The following EPS15L1 variants were observed in gnomAD, a reference collection of about 807,000 sequenced individuals.
The protein encoded by EPS15L1 is epidermal growth factor receptor pathway substrate 15 like 1.
EPS15L1 carries 43 observed loss-of-function variants against 117.1 expected under a neutral mutation model. That is an observed-to-expected ratio of 0.37 (90% CI 0.29 to 0.47). EPS15L1 has a LOEUF of 0.47. EPS15L1 is among the 20% of genes least tolerant of loss of function. The probability of loss-of-function intolerance (pLI) is 0.99; values close to 1 mark genes in which losing one functional copy is unlikely to be tolerated. For missense variants in EPS15L1, 981 were observed against 1,164.0 expected, an observed-to-expected ratio of 0.84 and a Z score of 2.29; for synonymous variants, 459 against 470.5, an observed-to-expected ratio of 0.98 and a Z score of 0.32.
chr19:16,459,040 G>A (rs1216933532), intron 1 of EPS15L1, among the ~76,000 whole-genome samples: 1 of 152,208 alleles, frequency 6.6e-6, no homozygotes, highest in Non-Finnish European at 1.5e-5. Flanking sequence ...GCGTGGCCCG[G>A]TACAGAAAAC....
chr19:16,359,377 G>A (rs1431294007), intron 23 of EPS15L1, among the ~76,000 whole-genome samples: 2 of 152,166 alleles, frequency 1.3e-5, no homozygotes, highest in African/African-American at 2.4e-5. Context: ...ATGGAGAGAC[G>A]TCATCTTGAG....
chr19:16,408,454 TAAAATA>T (rs879589664), intron 13 of EPS15L1, among the ~76,000 whole-genome samples: 3,692 of 152,024 alleles, frequency 0.024, 120 homozygotes, highest in Admixed American at 0.086. Context: ...TGAAACCCAG[TAAAATA>T]CAAATTTGTA....
rs2092645635 is a variant in EPS15L1, at chr19:16,405,336, G to A, written c.1267-587C>T. On this transcript the variant is annotated intron_variant, in intron 13 of 23. Coordinates refer to ENST00000455140, the MANE Select transcript of EPS15L1 (RefSeq NM_001258374.3). The surrounding 1 kb of genome is among the most constrained non-coding windows in gnomAD (Gnocchi z 4.0). ...TCAGAGGCTGCACCCCACAGGCCAC[G>A]CCAAGGAGACTGCGCTGGGCTCTGT... Among the ~76,000 whole-genome samples the A allele has an allele frequency of 1.3e-5, 2 of 152,168 alleles. No individual in the cohort carries two copies. Among genetic ancestry groups the A allele is most frequent in the East Asian group, 1.9e-4 (1 of 5,184 alleles).
chr19:16,395,583 T>C, intron 16 of EPS15L1, 116 bp from the exon 17 acceptor site: 2 of 1,131,484 alleles, frequency 1.8e-6, no homozygotes, highest in Non-Finnish European at 2.6e-6. Flanking sequence ...CTAAAAAGAA[T>C]GATTTAGCCA....
At chr19:16,419,611 G>A (rs146173915) in intron 10 of EPS15L1, among the ~76,000 whole-genome samples, 9 of 152,212 alleles carry the variant, frequency 5.9e-5, no homozygotes, top group South Asian at 2.1e-4. Context: ...GTGTAGCTGC[G>A]GCAGAAGCCA....
rs1382580870 is a variant in EPS15L1 at position 16,365,774 on chromosome 19, C to T, written c.2381-3790G>A. 2.6e-5 allele frequency among the ~76,000 whole-genome samples: 4 copies of T among 152,194 alleles called. No individual in the cohort carries two copies. The highest frequency in any genetic ancestry group is 4.4e-5 in the Non-Finnish European group (3 of 68,030). On this transcript the variant is annotated intron_variant, in intron 22 of 23. Transcript: ENST00000455140. This position sits in a 1 kb window ranked among gnomAD's most constrained non-coding sequence, Gnocchi z 4.9. ...CTTCCCGTGGCACTGGCCTCTGGCA[C>T]GGCTGAGGGTCAGCTCTGTGAAAAG...
intron 1 of EPS15L1, among the ~76,000 whole-genome samples, chr19:16,466,459 T>C (rs568941371): frequency 1.3e-5 from 2 of 152,232 alleles, no homozygotes; most frequent in East Asian, 1.9e-4. Context: ...ATTGGGCTCA[T>C]TTCTTTATAT....
At chr19:16,362,484 C>A (rs2092069672) in intron 22 of EPS15L1, among the ~76,000 whole-genome samples, 1 of 144,782 alleles carries the variant, frequency 6.9e-6, no homozygotes, top group Admixed American at 7.0e-5. Flanking sequence ...GGTCTGCACA[C>A]AGCTCTGCCA....
chr19:16,436,774 G>A (rs2092982430), intron 6 of EPS15L1, 163 bp downstream of exon 6: 8 of 560,404 alleles, frequency 1.4e-5, no homozygotes, highest in Non-Finnish European at 3.2e-6. Context: ...TTTCATCCAA[G>A]TGCTGTGGCC....
intron 13 of EPS15L1, among the ~76,000 whole-genome samples, chr19:16,407,141 C>A (rs989062931): frequency 6.6e-5 from 10 of 152,182 alleles, no homozygotes; most frequent in Non-Finnish European, 1.3e-4. Flanking sequence ...TTATGGCAAG[C>A]CAAATGGACT....
rs1483969924 is a variant in EPS15L1 at position 16,412,872 on chromosome 19, G to A, written c.1266+901C>T. 11 of 594,732 alleles carry A rather than the reference G, an allele frequency of 1.8e-5. No individual in the cohort carries two copies. The Admixed American group carries it at 2.3e-4, about 12-fold the overall frequency. 36.8% of individuals were successfully genotyped at this position (594,732 alleles called of 1,614,324 possible). A position where few individuals can be genotyped will look rare whatever the true frequency, so the allele number is the denominator to read the frequency against. Reference sequence around the variant, plus strand: ...GCAGAGGCAAGGCCGAGGATAAGGAGTGGATGCCCATCACCAAGCTGGGCC... The same window carrying A: ...GCAGAGGCAAGGCCGAGGATAAGGAATGGATGCCCATCACCAAGCTGGGCC... On this transcript the variant is annotated intron_variant, in intron 13 of 23. Transcript: ENST00000455140.
intron 22 of EPS15L1, among the ~76,000 whole-genome samples, chr19:16,369,542 C>T (rs1436288896): frequency 6.6e-6 from 1 of 152,118 alleles, no homozygotes; most frequent in Non-Finnish European, 1.5e-5. Flanking sequence ...AGGTGCTGTG[C>T]CTTGGGGTCC....
At chr19:16,361,506 C>T in intron 23 of EPS15L1, 2 of 987,372 alleles carry the variant, frequency 2.0e-6, no homozygotes, top group Non-Finnish European at 2.5e-6. Flanking sequence ...TACAATGAAT[C>T]TACCGTGAAG....
At chr19:16,418,349 G>A (rs1599615079) in intron 10 of EPS15L1, among the ~76,000 whole-genome samples, 1 of 152,176 alleles carries the variant, frequency 6.6e-6, no homozygotes, top group Non-Finnish European at 1.5e-5. Flanking sequence ...CCCTGACCTG[G>A]GCTGAGGAGC....
intron 7 of EPS15L1, among the ~76,000 whole-genome samples, chr19:16,433,733 G>A (rs971498410): frequency 1.3e-5 from 2 of 151,918 alleles, no homozygotes; most frequent in African/African-American, 2.4e-5. Context: ...TTGGGAGGCC[G>A]AGGCGGGTGA....
At chr19:16,387,520 T>C (rs2092432344) in intron 19 of EPS15L1, among the ~76,000 whole-genome samples, 1 of 152,248 alleles carries the variant, frequency 6.6e-6, no homozygotes, top group Admixed American at 6.5e-5. Flanking sequence ...GGCAGAAGAA[T>C]CACTTGAACC....
At chr19:16,398,542 G>C (rs985819186) in intron 16 of EPS15L1, among the ~76,000 whole-genome samples, 1 of 152,206 alleles carries the variant, frequency 6.6e-6, no homozygotes, top group African/African-American at 2.4e-5. Context: ...CTTTCACACT[G>C]CCCCATGGAA....
At chr19:16,436,472 G>C (rs1429304772) in intron 6 of EPS15L1, 4 of 153,450 alleles carry the variant, frequency 2.6e-5, no homozygotes, top group Non-Finnish European at 5.8e-5. Context: ...TTTTCACAAA[G>C]CAATCAGAAC....
chr19:16,446,250 T>A (rs1396484746), intron 1 of EPS15L1, among the ~76,000 whole-genome samples: 5 of 152,092 alleles, frequency 3.3e-5, no homozygotes, highest in Non-Finnish European at 7.4e-5. Flanking sequence ...GTCTCAGGAT[T>A]GTGTTCTAAC....
Sources: gnomAD v4.1 joint callset for allele counts (sites outside exome capture counted in the v4.1 genomes callset) on GRCh38, gnomAD v4.1.1 for gene constraint, Gnocchi (gnomAD v3.1) non-coding constraint, MANE v1.5 for transcripts, NCBI Gene and HGNC (gene_info 2026-07-23, HGNC 2026-07-21) for gene names.